The following PCDHGB3 variants were observed in gnomAD, a reference collection of about 807,000 sequenced individuals.
PCDHGB3 encodes protocadherin gamma-B3.
PCDHGB3 carries 40 observed loss-of-function variants against 59.2 expected under a neutral mutation model. The ratio of observed to expected loss-of-function variants is 0.68; its 90% CI spans 0.52 to 0.88. PCDHGB3 has a LOEUF of 0.88. Ranked by LOEUF, PCDHGB3 falls within the 40% of genes least tolerant of loss-of-function variation. The probability of loss-of-function intolerance (pLI) is 0.00; values close to 1 mark genes in which losing one functional copy is unlikely to be tolerated. For synonymous variants in PCDHGB3, 581 were observed against 503.6 expected (o/e 1.15, Z -2.06); for missense variants, 1,309 against 1,187.9 (o/e 1.10, Z -1.50).
chr5:141,433,358 C>CCTATCTAT (rs3074541), intron 1 of PCDHGB3: 29,853 of 503,480 alleles, frequency 0.059, 1,017 homozygotes, highest in East Asian at 0.071. Context: ...CTACTGTCTG[C>CCTATCTAT]CTATCTATCT....
chr5:141,419,540 C>A (rs999461892), intron 1 of PCDHGB3: 4 of 1,612,018 alleles, frequency 2.5e-6, no homozygotes. Flanking sequence ...CAACGCACCG[C>A]GGGTGCTGTA....
rs1271916110 is a variant in PCDHGB3, at chr5:141,394,787, C to T, written c.2415+21978C>T. 11 of 1,613,632 alleles carry T rather than the reference C, an allele frequency of 6.8e-6. 1 individual carries two copies. The highest frequency in any genetic ancestry group is 9.3e-6 in the Non-Finnish European group (11 of 1,180,016). On this transcript the variant is annotated intron_variant, in intron 1 of 3. Transcript: ENST00000576222. ...GCCAGCCCCCTCTCTCCGCCACTGT[C>T]ACGCTCACCGTAGCCGTGGCTGACA... is the stretch of plus-strand genomic sequence containing the variant.
rs1163647309 is a variant in PCDHGB3, at chr5:141,372,282, C to G, written c.1888C>G (p.Arg630Gly). ...GLRTGEVRTARTLGDREAARQ... is the reference protein window; with the variant it reads ...GLRTGEVRTAGTLGDREAARQ... ...GCGCACGGGTGAGGTGCGCACGGCG[C>G]GTACCTTGGGCGACAGGGAGGCCGC... Residue 630 changes from arginine (R) to glycine (G), a missense_variant, in exon 1 of 4, where the codon CGT becomes GGT. Coordinates refer to ENST00000576222, the MANE Select transcript of PCDHGB3 (RefSeq NM_018924.5). The G allele has an allele frequency of 1.9e-6, 3 of 1,613,202 alleles. No homozygotes were observed. Among genetic ancestry groups the G allele is most frequent in the East Asian group, 2.2e-5 (1 of 44,880 alleles).
intron 1 of PCDHGB3, among the ~76,000 whole-genome samples, chr5:141,457,440 A>G (rs188608086): frequency 3.9e-5 from 6 of 152,334 alleles, no homozygotes; most frequent in Non-Finnish European, 8.8e-5. Flanking sequence ...ACCAAGCTGC[A>G]GAAGATCACC....
At position 141,398,898 on chromosome 5, in the gene PCDHGB3, A is replaced by G. The variant is rs565517655; in HGVS notation, c.2415+26089A>G. 11 of 1,613,922 alleles carry G rather than the reference A, an allele frequency of 6.8e-6. No homozygotes were observed. The African/African-American group carries it at 1.1e-4, about 16-fold the overall frequency. ...TCAGCCTTCGGGAAAACGTGCCACCAGGCACCACTGTGTTGCAAGTGTCAG... is the reference window on the plus strand; with the variant it reads ...TCAGCCTTCGGGAAAACGTGCCACCGGGCACCACTGTGTTGCAAGTGTCAG... On this transcript the variant is annotated intron_variant, in intron 1 of 3. Coordinates refer to ENST00000576222, the MANE Select transcript of PCDHGB3 (RefSeq NM_018924.5).
chr5:141,510,083 G>A (rs2099879432), intron 3 of PCDHGB3, among the ~76,000 whole-genome samples: 1 of 152,104 alleles, frequency 6.6e-6, no homozygotes, highest in Non-Finnish European at 1.5e-5. Flanking sequence ...CAGAGTGCCT[G>A]GCACACAGTA....
intron 1 of PCDHGB3, among the ~76,000 whole-genome samples, chr5:141,481,913 CAAAAAAAAA>C (rs34114744): frequency 1.1e-5 from 1 of 90,852 alleles, no homozygotes; most frequent in Non-Finnish European, 2.2e-5. Flanking sequence ...AACTCCATCT[CAAAAAAAAA>C]AAAAAAAAAA....
At chr5:141,456,214 G>C (rs552287407) in intron 1 of PCDHGB3, among the ~76,000 whole-genome samples, 8 of 152,136 alleles carry the variant, frequency 5.3e-5, no homozygotes, top group Non-Finnish European at 7.4e-5. Context: ...CCTCCCTGTG[G>C]CGATATCAAA....
chr5:141,375,832 G>T, intron 1 of PCDHGB3: 1 of 1,614,146 alleles, frequency 6.2e-7, no homozygotes, highest in Non-Finnish European at 8.5e-7. Flanking sequence ...GCTCCGCAGA[G>T]CCCGGCTACC....
intron 1 of PCDHGB3, among the ~76,000 whole-genome samples, chr5:141,467,254 T>C (rs1291193879): frequency 2.0e-5 from 3 of 152,248 alleles, no homozygotes; most frequent in Admixed American, 6.5e-5. Flanking sequence ...GGTTTCACCA[T>C]GTTGGCCAGG....
chr5:141,417,980 C>A lies in PCDHGB3; in HGVS notation c.2415+45171C>A, dbSNP rs905203424. On this transcript the variant is annotated intron_variant, in intron 1 of 3. Transcript: ENST00000576222. ...GATCCGCTACTCGATTCCGGAGGAG[C>A]TGGCCAAGGGCTCGGTGGTGGGGAA... is the stretch of plus-strand genomic sequence containing the variant. 4.3e-6 allele frequency: 7 copies of A among 1,613,856 alleles called. No homozygotes were observed. The Admixed American group carries it at 1.0e-4, about 23-fold the overall frequency.
chr5:141,423,150 G>A, intron 1 of PCDHGB3: 1 of 1,613,538 alleles, frequency 6.2e-7, no homozygotes, highest in Non-Finnish European at 8.5e-7. Flanking sequence ...CGCTCAAGCA[G>A]AGCCTCGTGG....
chr5:141,441,810 C>A, intron 1 of PCDHGB3: 1 of 372,576 alleles, frequency 2.7e-6, no homozygotes. Context: ...GGTGCTGTAC[C>A]CCAGCTCTGG....
intron 1 of PCDHGB3, chr5:141,394,190 G>A (rs1370592594): frequency 1.9e-6 from 3 of 1,613,800 alleles, no homozygotes; most frequent in African/African-American, 1.3e-5. Context: ...CCTACTCAGC[G>A]TATATCCTAG....
intron 1 of PCDHGB3, chr5:141,385,394 C>T: frequency 1.3e-5 from 19 of 1,499,976 alleles, no homozygotes; most frequent in Non-Finnish European, 1.7e-5. Context: ...TTTTGCAAAA[C>T]AAATGTTTTG....
At chr5:141,403,430 C>A in intron 1 of PCDHGB3, 1 of 1,614,022 alleles carries the variant, frequency 6.2e-7, no homozygotes, top group Non-Finnish European at 8.5e-7. Flanking sequence ...AGCTATTGAT[C>A]CGGATGTTGG....
rs561817609 is a variant in PCDHGB3, at chr5:141,496,904, G to A, written c.2474+2039G>A. Among the ~76,000 whole-genome samples, 12 of 137,476 alleles carry A rather than the reference G, an allele frequency of 8.7e-5. 1 individual carries two copies. The South Asian group carries it at 2.0e-3, about 23-fold the overall frequency. The allele number at this position is 137,476 out of a possible 152,430, so 90.2% of individuals were successfully genotyped here. On this transcript the variant is annotated intron_variant, in intron 2 of 3. Transcript: ENST00000576222. ...AGTAACACTTAAAAAAAAAAAAAAA[G>A]GCTGGGCACTGTGGTTCACGCCTGT...
rs773763605 is a variant in PCDHGB3, at chr5:141,476,631, A to G, written c.2416-18176A>G. On this transcript the variant is annotated intron_variant, in intron 1 of 3. Transcript: ENST00000576222. The surrounding 1 kb of genome is among the most constrained non-coding windows in gnomAD (Gnocchi z 7.6). ...GTGGGAAGCAACTCTTTACAAACCT[A>G]TGAGCTGAGCCGAAATGAATACTTT... The G allele has an allele frequency of 2.5e-6, 4 of 1,614,224 alleles. No individual in the cohort carries two copies. Among genetic ancestry groups the G allele is most frequent in the Admixed American group, 1.7e-5 (1 of 60,032 alleles).
At chr5:141,426,925 A>G in intron 1 of PCDHGB3, 1 of 456,756 alleles carries the variant, frequency 2.2e-6, no homozygotes, top group Non-Finnish European at 4.4e-6. Flanking sequence ...GAAGCAATGG[A>G]CATGGGTGAC....
Sources: allele counts gnomAD v4.1 joint callset (sites outside exome capture counted in the v4.1 genomes callset), GRCh38; gene constraint gnomAD v4.1.1; non-coding constraint Gnocchi (gnomAD v3.1); transcripts MANE v1.5; gene names NCBI Gene and HGNC (gene_info 2026-07-23, HGNC 2026-07-21).